WSB1: variants seen among roughly 807,000 people sequenced by gnomAD.
WSB1 encodes WD repeat and SOCS box containing 1, also known as WD repeat and SOCS box-containing protein 1.
WSB1 carries 23 observed loss-of-function variants against 50.2 expected under a neutral mutation model. That is an observed-to-expected ratio of 0.46 (90% CI 0.33 to 0.65). The LOEUF is 0.65. WSB1 is among the 30% of genes least tolerant of loss of function. WSB1 has a pLI of 0.02. For missense variants in WSB1, 492 were observed against 522.3 expected (o/e 0.94, Z 0.56); for synonymous variants, 179 against 172.0 (o/e 1.04, Z -0.32).
Position 27,294,154 on chromosome 17 carries a change from C to T in WSB1, c.-242C>T, listed in dbSNP as rs2016842663. 1 of 361,134 alleles carries T rather than the reference C, an allele frequency of 2.8e-6. No homozygotes were observed. Among genetic ancestry groups the T allele is most frequent in the Non-Finnish European group, 5.0e-6 (1 of 200,344 alleles). 22.4% of individuals were successfully genotyped at this position (361,134 alleles called of 1,614,324 possible). On this transcript the variant is annotated 5_prime_UTR_variant, in exon 1 of 9. Coordinates refer to ENST00000262394, the MANE Select transcript of WSB1 (RefSeq NM_015626.10). ...GTCGGCGCTTTAGGGGAACTGTCTT[C>T]CTCCGCAGGCGCGAGGCTGGGTACA...
chr17:27,297,572 A>G (rs756626792), intron 1 of WSB1, among the ~76,000 whole-genome samples: 4 of 151,628 alleles, frequency 2.6e-5, no homozygotes, highest in Admixed American at 2.0e-4. Flanking sequence ...GGCTCAAGCA[A>G]TTCTCCCACC....
intron 1 of WSB1, chr17:27,297,179 C>G (rs1461096158): frequency 1.3e-5 from 2 of 148,164 alleles, no homozygotes; most frequent in Non-Finnish European, 3.0e-5. Flanking sequence ...TTTTTTTGTT[C>G]CTTTGAGACT....
At chr17:27,305,927 G>A (rs2017431650) in intron 4 of WSB1, among the ~76,000 whole-genome samples, 1 of 152,204 alleles carries the variant, frequency 6.6e-6, no homozygotes, top group Admixed American at 6.6e-5. Context: ...CCAAGATAGT[G>A]GGGTCCTTGC....
At position 27,312,408 on chromosome 17, in the gene WSB1, A is replaced by G; in HGVS notation, c.*39A>G. On this transcript the variant is annotated 3_prime_UTR_variant, in exon 9 of 9. Transcript: ENST00000262394. ...CCCTAGTAGTAGGGACTGACAGAAT[A>G]CACTTAACACAAACCTCAAGCTTTA... 6.3e-7 allele frequency: 1 copy of G among 1,594,110 alleles called. No individual in the cohort carries two copies. The highest frequency in any genetic ancestry group is 8.5e-7 in the Non-Finnish European group (1 of 1,174,880).
chr17:27,307,061 A>G (rs901907175), intron 5 of WSB1, 179 bp downstream of exon 5: 1 of 627,968 alleles, frequency 1.6e-6, no homozygotes, highest in Non-Finnish European at 2.7e-6. Flanking sequence ...ATTGATTGCC[A>G]AGTGAGAAGT....
At position 27,309,884 on chromosome 17, in the gene WSB1, A is replaced by C. The variant is rs372514660; in HGVS notation, c.885-177A>C. Among the ~76,000 whole-genome samples the C allele has an allele frequency of 2.0e-5, 3 of 152,140 alleles. No individual in the cohort carries two copies. In the East Asian group the frequency reaches 5.8e-4, roughly 29 times the overall value. ...GCATGAGCCACTGCGCCCGACCATAAAAGATTAGTTCTTTTCAGGTGACTT... is the reference window on the plus strand; with the variant it reads ...GCATGAGCCACTGCGCCCGACCATACAAGATTAGTTCTTTTCAGGTGACTT... On this transcript the variant is annotated intron_variant, in intron 6 of 8. Transcript: ENST00000262394.
At chr17:27,309,039 A>T (rs986777473) in intron 5 of WSB1, 61 bp from the exon 6 acceptor site, 7 of 1,484,918 alleles carry the variant, frequency 4.7e-6, no homozygotes, top group South Asian at 1.4e-5. Flanking sequence ...TTAGTATAAG[A>T]TGTGCCATTT....
chr17:27,303,265 A>G, intron 2 of WSB1, 102 bp from the exon 3 acceptor site: 1 of 1,297,356 alleles, frequency 7.7e-7, no homozygotes. Flanking sequence ...TGTCATTATA[A>G]TAATATTGAG....
At chr17:27,296,512 A>G (rs1481813103) in intron 1 of WSB1, among the ~76,000 whole-genome samples, 1 of 152,166 alleles carries the variant, frequency 6.6e-6, no homozygotes, top group African/African-American at 2.4e-5. Flanking sequence ...TAGTTTCTCA[A>G]GGACATACGG....
At chr17:27,303,715 G>T (rs1241191322) in intron 3 of WSB1, 80 bp downstream of exon 3, 9 of 1,519,190 alleles carry the variant, frequency 5.9e-6, no homozygotes, top group Non-Finnish European at 1.8e-6. Flanking sequence ...ATTGGGATTT[G>T]AGGATTTCAG....
In WSB1 at chr17:27,315,850, T is replaced by G. The variant is rs1341456595; in HGVS notation, c.*3481T>G. 3 of 152,138 alleles carry G rather than the reference T, an allele frequency of 2.0e-5. No homozygotes were observed. The highest frequency in any genetic ancestry group is 4.4e-5 in the Non-Finnish European group (3 of 68,020). The allele number at this position is 152,138 out of a possible 1,614,324, so 9.4% of individuals were successfully genotyped here. On this transcript the variant is annotated 3_prime_UTR_variant, in exon 9 of 9. Transcript: ENST00000262394. ...AAAGCATAAGTTGGAGTATACTGGG[T>G]TTTTTTGTTGTTGTTAAATTCTTTT...
chr17:27,303,554 C>T lies in WSB1; in HGVS notation c.397C>T (p.Arg133Cys), dbSNP rs1393779343. The T allele has an allele frequency of 6.8e-6, 11 of 1,614,124 alleles. No individual in the cohort carries two copies. The highest frequency in any genetic ancestry group is 1.7e-5 in the Admixed American group (1 of 60,014). Residue 133 changes from arginine to cysteine, a missense_variant, in exon 3 of 9, where the codon CGC becomes TGC. Physicochemically the swap from Arg to Cys is radical, Grantham distance 180 (BLOSUM62 -3). Transcript: ENST00000262394. ...QSRCVNIEWHRFRFGQDQLLL... is the reference protein window; with the variant it reads ...QSRCVNIEWHCFRFGQDQLLL... Reference sequence around the variant, plus strand: ...TCGCTGTGTAAATATAGAATGGCATCGCTTCAGATTTGGACAAGATCAGCT... The same window carrying T: ...TCGCTGTGTAAATATAGAATGGCATTGCTTCAGATTTGGACAAGATCAGCT...
intron 1 of WSB1, among the ~76,000 whole-genome samples, chr17:27,295,191 G>T (rs762238575): frequency 6.6e-6 from 1 of 152,204 alleles, no homozygotes; most frequent in Non-Finnish European, 1.5e-5. Context: ...CTCTTTTAAA[G>T]TAAAATAACT....
At chr17:27,301,538 C>T (rs778786437) in intron 1 of WSB1, among the ~76,000 whole-genome samples, 5 of 151,872 alleles carry the variant, frequency 3.3e-5, no homozygotes, top group African/African-American at 7.3e-5. Context: ...GTTTTTTTTA[C>T]GGAAACTTTC....
At position 27,301,849 on chromosome 17, in the gene WSB1, T is replaced by G; in HGVS notation, c.102T>G (p.Gly34=). The change falls in exon 2 of 9, where the codon GGT becomes GGG. Residue 34 remains glycine, a synonymous_variant. Transcript: ENST00000262394. ...APAAPFDKKC[G]RENWTVAFAP... ...CAGCTCCTTTTGACAAGAAATGTGG[T>G]CGTGAAAATTGGACTGTTGCTTTTG... 1 of 1,614,148 alleles carries G rather than the reference T, an allele frequency of 6.2e-7. No individual in the cohort carries two copies. Among genetic ancestry groups the G allele is most frequent in the Non-Finnish European group, 8.5e-7 (1 of 1,180,012 alleles).
rs145904228 is a variant in WSB1 at position 27,304,791 on chromosome 17, C to G, written c.490C>G (p.Leu164Val). Residue 164 changes from leucine (L) to valine (V), a missense_variant, in exon 4 of 9, where the codon CTT becomes GTT. Coordinates refer to ENST00000262394, the MANE Select transcript of WSB1 (RefSeq NM_015626.10). ...IWDVYTGKLL[L>V]NLVDHTEVVR... ...TCTATCATATTTAGGAAAACTCCTC[C>G]TTAACTTGGTAGATCATACTGAAGT... is the stretch of plus-strand genomic sequence containing the variant. 5 of 1,612,958 alleles carry G rather than the reference C, an allele frequency of 3.1e-6. No individual in the cohort carries two copies. In the East Asian group the frequency reaches 1.1e-4, roughly 36 times the overall value.
At position 27,303,156 on chromosome 17, in the gene WSB1, C is replaced by T. The variant is rs577919375; in HGVS notation, c.210-211C>T. Reference sequence around the variant, plus strand: ...TAATATAAATTGCTTTATTGTTGAACTTACTACTCAGTCACTGAGAATTTC... The same window carrying T: ...TAATATAAATTGCTTTATTGTTGAATTTACTACTCAGTCACTGAGAATTTC... On this transcript the variant is annotated intron_variant, in intron 2 of 8. Coordinates refer to ENST00000262394, the MANE Select transcript of WSB1 (RefSeq NM_015626.10). 1.3e-4 allele frequency: 68 copies of T among 512,554 alleles called. No individual in the cohort carries two copies. In the South Asian group the frequency reaches 1.5e-3, roughly 11 times the overall value. 31.8% of individuals were successfully genotyped at this position (512,554 alleles called of 1,614,324 possible).
rs950484761 is a variant in WSB1, at chr17:27,304,914, A to G, written c.610+3A>G. On this transcript the variant is annotated splice_donor_region_variant and intron_variant, in intron 4 of 8. Transcript: ENST00000262394. ...AGTATGGGACCTGAAAGATGATGGT[A>G]TGTCTTTTTTCCAAGCTATGAACTA... is the stretch of plus-strand genomic sequence containing the variant. 1.2e-6 allele frequency: 2 copies of G among 1,613,706 alleles called. No homozygotes were observed. The highest frequency in any genetic ancestry group is 1.7e-6 in the Non-Finnish European group (2 of 1,179,754).
intron 3 of WSB1, 72 bp from the exon 4 acceptor site, chr17:27,304,708 T>C (rs546552028): frequency 1.1e-5 from 17 of 1,491,230 alleles, no homozygotes; most frequent in Admixed American, 9.3e-5. Flanking sequence ...TGAGACCCTG[T>C]CTCAAGAAAA....
Sources: gnomAD v4.1 joint callset for allele counts (sites outside exome capture counted in the v4.1 genomes callset) on GRCh38, gnomAD v4.1.1 for gene constraint, MANE v1.5 for transcripts, NCBI Gene and HGNC (gene_info 2026-07-23, HGNC 2026-07-21) for gene names.